Variants in MAPK10 observed in about 807,000 individuals in gnomAD.
The protein encoded by MAPK10 is JNK3 alpha protein kinase.
Under a neutral mutation model 59.3 loss-of-function variants are expected in MAPK10, and 25 were observed. The observed-to-expected ratio is 0.42, with a 90% CI of 0.31 to 0.59. MAPK10 has a LOEUF of 0.59. Ranked by LOEUF, MAPK10 falls within the 20% of genes least tolerant of loss-of-function variation. The pLI, the probability that MAPK10 is intolerant of heterozygous loss-of-function variation, is 0.15. For missense variants in MAPK10, 351 were observed against 568.9 expected (o/e 0.62, Z 3.90); for synonymous variants, 190 against 200.5 (o/e 0.95, Z 0.44).
chr4:86,344,492 A>G (rs539732309), intron 2 of MAPK10, among the ~76,000 whole-genome samples: 6 of 152,182 alleles, frequency 3.9e-5, no homozygotes, highest in Admixed American at 3.3e-4. Flanking sequence ...CCCCACCTCC[A>G]AAGCCCCCTA....
chr4:86,133,468 A>C (rs2061365756), intron 4 of MAPK10, among the ~76,000 whole-genome samples: 1 of 152,214 alleles, frequency 6.6e-6, no homozygotes. Context: ...TTATAAGCTT[A>C]ATGTGCAATC....
chr4:86,352,255 A>G (rs1023657567), intron 2 of MAPK10: 11 of 151,786 alleles, frequency 7.2e-5, no homozygotes, highest in Admixed American at 5.3e-4. Context: ...AAACATAAAA[A>G]TGATATTATA....
At chr4:86,090,565 C>A (rs531255725) in intron 9 of MAPK10, 1 of 152,214 alleles carries the variant, frequency 6.6e-6, no homozygotes, top group Admixed American at 6.5e-5. Flanking sequence ...AACAGTTGTG[C>A]ATCCCTTTAT....
chr4:86,269,075 C>T (rs190751518), intron 2 of MAPK10, among the ~76,000 whole-genome samples: 1 of 151,986 alleles, frequency 6.6e-6, no homozygotes, highest in African/African-American at 2.4e-5. Flanking sequence ...TTTCTGGGCT[C>T]AAAATATTGA....
chr4:86,559,579 G>A (rs867238310), intron 1 of MAPK10, among the ~76,000 whole-genome samples: 1 of 152,108 alleles, frequency 6.6e-6, no homozygotes, highest in African/African-American at 2.4e-5. Flanking sequence ...AGAGAGGAAA[G>A]GCAAAAATAT....
intron 1 of MAPK10, among the ~76,000 whole-genome samples, chr4:86,475,451 G>A (rs923854458): frequency 4.6e-5 from 7 of 151,900 alleles, no homozygotes; most frequent in Admixed American, 1.3e-4. Flanking sequence ...CAATCTTGGC[G>A]CCACACTTCA....
chr4:86,350,284 G>T (rs575396646), intron 2 of MAPK10, among the ~76,000 whole-genome samples: 1 of 151,632 alleles, frequency 6.6e-6, no homozygotes, highest in African/African-American at 2.4e-5. Context: ...GCACGATCGC[G>T]GCTCACTGCA....
At chr4:86,186,658 T>A (rs2078310812) in intron 3 of MAPK10, among the ~76,000 whole-genome samples, 1 of 152,142 alleles carries the variant, frequency 6.6e-6, no homozygotes, top group South Asian at 2.1e-4. Context: ...GCAATGATAA[T>A]CATGCTGAAA....
At chr4:86,578,238 C>T (rs972506693) in intron 1 of MAPK10, among the ~76,000 whole-genome samples, 1 of 152,084 alleles carries the variant, frequency 6.6e-6, no homozygotes, top group Non-Finnish European at 1.5e-5. Context: ...AGGGATGCTG[C>T]TAAACATCCT....
At chr4:86,159,254 A>G (rs372842202) in intron 4 of MAPK10, 44 bp downstream of exon 4, 12 of 1,469,502 alleles carry the variant, frequency 8.2e-6, no homozygotes, top group Non-Finnish European at 1.0e-5. Context: ...GTAGTTGCAC[A>G]CGGTGTGTTC....
At chr4:86,351,427 AC>A (rs1320089145) in intron 2 of MAPK10, among the ~76,000 whole-genome samples, 3 of 142,998 alleles carry the variant, frequency 2.1e-5, no homozygotes, top group East Asian at 4.2e-4. Flanking sequence ...ACACACACAC[AC>A]ATTTTATGAC....
chr4:86,320,532 A>T (rs988571187), intron 2 of MAPK10, among the ~76,000 whole-genome samples: 41 of 152,216 alleles, frequency 2.7e-4, no homozygotes, highest in Non-Finnish European at 1.5e-5. Flanking sequence ...AATTTGTTTG[A>T]GTTCATTGTA....
At chr4:86,218,567 G>T (rs1583043690) in intron 2 of MAPK10, among the ~76,000 whole-genome samples, 1 of 26,882 alleles carries the variant, frequency 3.7e-5, no homozygotes, top group Non-Finnish European at 6.8e-5. Context: ...TAAGACTTAA[G>T]CAAAAAAAAA....
At chr4:86,159,201 C>T in intron 4 of MAPK10, 97 bp downstream of exon 4, 1 of 898,192 alleles carries the variant, frequency 1.1e-6, no homozygotes, top group Non-Finnish European at 1.6e-6. Context: ...CCAAATTATG[C>T]TATTTATTTT....
At chr4:86,487,832 T>G (rs1160445183) in intron 1 of MAPK10, among the ~76,000 whole-genome samples, 6 of 151,934 alleles carry the variant, frequency 3.9e-5, no homozygotes, top group Admixed American at 3.3e-4. Context: ...AAATACAACT[T>G]AAAATAAAAT....
At chr4:86,107,452 A>T in intron 4 of MAPK10, 100 bp from the exon 5 acceptor site, 1 of 1,480,202 alleles carries the variant, frequency 6.8e-7, no homozygotes, top group East Asian at 2.5e-5. Flanking sequence ...GCTATTTCGG[A>T]ATCTTAGATA....
chr4:86,378,642 G>C (rs562439763), intron 1 of MAPK10, among the ~76,000 whole-genome samples: 1 of 152,188 alleles, frequency 6.6e-6, no homozygotes, highest in Non-Finnish European at 1.5e-5. Flanking sequence ...TTTGGTGAAT[G>C]ATTGAATGCA....
intron 9 of MAPK10, among the ~76,000 whole-genome samples, chr4:86,076,260 G>GGTGCGCGCACCCACTGGC (rs1282102928): frequency 3.9e-5 from 6 of 152,010 alleles, no homozygotes; most frequent in African/African-American, 1.4e-4. Context: ...GCTCGCGCAC[G>GGTGCGCGCACCCACTGGC]GTGCGCGCAC....
At chr4:86,085,310 A>G (rs2051546982) in intron 9 of MAPK10, among the ~76,000 whole-genome samples, 1 of 152,190 alleles carries the variant, frequency 6.6e-6, no homozygotes, top group Non-Finnish European at 1.5e-5. Flanking sequence ...TGAAGAGACA[A>G]CCTACAGAAT....
Sources: gnomAD v4.1 joint callset for allele counts (sites outside exome capture counted in the v4.1 genomes callset) on GRCh38, gnomAD v4.1.1 for gene constraint, MANE v1.5 for transcripts, NCBI Gene and HGNC (gene_info 2026-07-23, HGNC 2026-07-21) for gene names.